NTM: variants seen among roughly 807,000 people sequenced by gnomAD.
NTM encodes neurotrimin, also known as IgLON family member 2.
In NTM, 13 loss-of-function variants were observed where a neutral mutation model predicts 42.1. The observed-to-expected ratio is 0.31, with a 90% CI of 0.20 to 0.49. NTM has a LOEUF of 0.49. NTM is among the 20% of genes least tolerant of loss of function. NTM has a pLI of 0.99. For synonymous variants in NTM, 187 were observed against 179.2 expected (o/e 1.04, Z -0.35); for missense variants, 373 against 452.8 (o/e 0.82, Z 1.60).
In NTM at chr11:132,138,283, G is replaced by C. The variant is rs571074930; in HGVS notation, c.168-7999G>C. 2.6e-5 allele frequency among the ~76,000 whole-genome samples: 4 copies of C among 152,248 alleles called. No homozygotes were observed. In the South Asian group the frequency reaches 8.3e-4, roughly 32 times the overall value. Reference sequence around the variant, plus strand: ...TGCTTCCAGTACACACCAAGATAAAGTATGTCTGGAAAACACTCATGGGGG... The same window carrying C: ...TGCTTCCAGTACACACCAAGATAAACTATGTCTGGAAAACACTCATGGGGG... On this transcript the variant is annotated intron_variant, in intron 2 of 8. Coordinates refer to ENST00000683400, the MANE Select transcript of NTM (RefSeq NM_001352005.2).
intron 1 of NTM, among the ~76,000 whole-genome samples, chr11:131,563,150 G>T (rs1592060568): frequency 6.6e-6 from 1 of 152,130 alleles, no homozygotes; most frequent in African/African-American, 2.4e-5. Flanking sequence ...AAACTGCAAG[G>T]CTTAATTAAT....
intron 1 of NTM, among the ~76,000 whole-genome samples, chr11:131,724,822 G>A (rs957659940): frequency 1.6e-4 from 24 of 152,226 alleles, no homozygotes; most frequent in Non-Finnish European, 3.1e-4. Context: ...AGCCTGGGGT[G>A]GGGAGAGCAG....
At chr11:131,780,246 G>C (rs1367088637) in intron 1 of NTM, among the ~76,000 whole-genome samples, 1 of 152,176 alleles carries the variant, frequency 6.6e-6, no homozygotes, top group Non-Finnish European at 1.5e-5. Flanking sequence ...GTCCAGACAA[G>C]AGAGCCACGC....
intron 2 of NTM, among the ~76,000 whole-genome samples, chr11:132,008,854 T>G (rs1195830078): frequency 6.6e-6 from 1 of 151,668 alleles, no homozygotes; most frequent in Non-Finnish European, 1.5e-5. Flanking sequence ...CTTTTCTTTC[T>G]TTCCTTGTTT....
chr11:131,978,148 A>T (rs977264499), intron 2 of NTM, among the ~76,000 whole-genome samples: 10 of 152,202 alleles, frequency 6.6e-5, no homozygotes, highest in Admixed American at 4.6e-4. Context: ...TGAGATAAAA[A>T]GGCTGCTTCA....
chr11:131,874,048 T>TA (rs1466815638), intron 1 of NTM, among the ~76,000 whole-genome samples: 15 of 56,204 alleles, frequency 2.7e-4, no homozygotes, highest in African/African-American at 1.5e-3. Flanking sequence ...TATATATATA[T>TA]ATATATATAT....
chr11:131,767,797 T>A (rs1215761165), intron 1 of NTM, among the ~76,000 whole-genome samples: 1 of 152,134 alleles, frequency 6.6e-6, no homozygotes, highest in Non-Finnish European at 1.5e-5. Context: ...GGCAAGCCAA[T>A]CCCTGAGCCT....
chr11:132,298,482 C>T (rs1053034172), intron 4 of NTM, among the ~76,000 whole-genome samples: 1 of 152,072 alleles, frequency 6.6e-6, no homozygotes, highest in African/African-American at 2.4e-5. Flanking sequence ...GCTGACAGGC[C>T]TCCTGAGAAG....
chr11:132,037,239 TAA>T (rs1419944793), intron 2 of NTM, among the ~76,000 whole-genome samples: 1 of 152,014 alleles, frequency 6.6e-6, no homozygotes, highest in Admixed American at 6.6e-5. Context: ...AAGAGCCTGG[TAA>T]GAGAGAGGGG....
At chr11:132,184,857 A>G (rs1407014302) in intron 3 of NTM, among the ~76,000 whole-genome samples, 1 of 152,136 alleles carries the variant, frequency 6.6e-6, no homozygotes, top group East Asian at 1.9e-4. Context: ...TTGTGAACCT[A>G]TGCTACGGCT....
intron 1 of NTM, among the ~76,000 whole-genome samples, chr11:131,856,806 A>C (rs2046146257): frequency 6.6e-6 from 1 of 152,222 alleles, no homozygotes; most frequent in African/African-American, 2.4e-5. Flanking sequence ...TCCAGATGTG[A>C]AGCCATTCAC....
chr11:131,378,039 G>C (rs1942200473), intron 1 of NTM, among the ~76,000 whole-genome samples: 1 of 152,194 alleles, frequency 6.6e-6, no homozygotes. Flanking sequence ...AAAGCCAGTG[G>C]TTTGCAAACT....
At chr11:132,131,267 G>A (rs1409321675) in intron 2 of NTM, among the ~76,000 whole-genome samples, 1 of 152,184 alleles carries the variant, frequency 6.6e-6, no homozygotes, top group East Asian at 1.9e-4. Flanking sequence ...TTGGGGCTGA[G>A]TGTGGGGCCA....
chr11:132,319,154 G>A (rs988433861), intron 7 of NTM, among the ~76,000 whole-genome samples: 8 of 152,160 alleles, frequency 5.3e-5, no homozygotes, highest in African/African-American at 1.4e-4. Flanking sequence ...CAAGATGGCC[G>A]AATAGGAACA....
At chr11:131,465,424 A>T (rs1010154009) in intron 1 of NTM, among the ~76,000 whole-genome samples, 14 of 152,168 alleles carry the variant, frequency 9.2e-5, no homozygotes, top group Non-Finnish European at 2.1e-4. Context: ...TTAAACTAGA[A>T]GTACTAGACT....
At chr11:132,313,774 C>G (rs1187186326) in intron 6 of NTM, among the ~76,000 whole-genome samples, 2 of 152,112 alleles carry the variant, frequency 1.3e-5, no homozygotes, top group Non-Finnish European at 2.9e-5. Context: ...CTTCCCCCAA[C>G]TAACTAACTC....
chr11:131,676,198 G>A (rs997098591), intron 1 of NTM, among the ~76,000 whole-genome samples: 4 of 152,192 alleles, frequency 2.6e-5, no homozygotes, highest in African/African-American at 9.6e-5. Flanking sequence ...TGAACATAGG[G>A]AAGAGAAACT....
chr11:132,068,648 A>C (rs980977048), intron 2 of NTM, among the ~76,000 whole-genome samples: 1 of 152,242 alleles, frequency 6.6e-6, no homozygotes, highest in African/African-American at 2.4e-5. Context: ...CCTTGTAGCA[A>C]AATCTGCATC....
At chr11:131,841,555 C>T (rs2044244525) in intron 1 of NTM, among the ~76,000 whole-genome samples, 1 of 152,162 alleles carries the variant, frequency 6.6e-6, no homozygotes, top group Non-Finnish European at 1.5e-5. Flanking sequence ...TTTTTTTTAA[C>T]ATTCCCCAGT....
Sources: allele counts gnomAD v4.1 joint callset (sites outside exome capture counted in the v4.1 genomes callset), GRCh38; gene constraint gnomAD v4.1.1; transcripts MANE v1.5; gene names NCBI Gene and HGNC (gene_info 2026-07-23, HGNC 2026-07-21).